Variants in COL6A6 observed in about 807,000 individuals in gnomAD.
COL6A6 encodes the protein collagen alpha-6(VI) chain.
Under a neutral mutation model 208.6 loss-of-function variants are expected in COL6A6, and 183 were observed. The ratio of observed to expected loss-of-function variants is 0.88; its 90% CI spans 0.78 to 0.99. The LOEUF is 0.99. Among genes scored for constraint, COL6A6 ranks in the 50% least tolerant of loss-of-function variants. COL6A6 has a pLI of 0.00. For missense variants in COL6A6, 2,816 were observed against 2,815.2 expected (o/e 1.00, Z -0.01); for synonymous variants, 973 against 1,011.8 (o/e 0.96, Z 0.73).
chr3:130,537,667 A>G (rs556115609), intron 1 of COL6A6, among the ~76,000 whole-genome samples: 1 of 152,374 alleles, frequency 6.6e-6, no homozygotes, highest in East Asian at 1.9e-4. Flanking sequence ...GGGATATTCA[A>G]GAGTACCAGT....
intron 33 of COL6A6, among the ~76,000 whole-genome samples, chr3:130,655,049 A>G (rs1576407418): frequency 6.6e-6 from 1 of 152,178 alleles, no homozygotes; most frequent in South Asian, 2.1e-4. Context: ...AGGGCCAATC[A>G]TAGGTTCTAC....
intron 18 of COL6A6, among the ~76,000 whole-genome samples, chr3:130,597,896 T>C (rs2063894899): frequency 6.6e-6 from 1 of 152,186 alleles, no homozygotes; most frequent in Non-Finnish European, 1.5e-5. Flanking sequence ...TGTCACTTAG[T>C]GTGCTTATTA....
chr3:130,656,780 GCT>G (rs1201431276), intron 33 of COL6A6, among the ~76,000 whole-genome samples: 4 of 152,210 alleles, frequency 2.6e-5, no homozygotes, highest in Non-Finnish European at 5.9e-5. Context: ...TCCCTCTCGT[GCT>G]TGTTAGCACC....
chr3:130,575,420 A>G (rs1177249405), intron 8 of COL6A6, among the ~76,000 whole-genome samples: 1 of 152,236 alleles, frequency 6.6e-6, no homozygotes, highest in Non-Finnish European at 1.5e-5. Context: ...GTGACCATTA[A>G]ATTTATGAAT....
intron 1 of COL6A6, among the ~76,000 whole-genome samples, chr3:130,524,297 G>A (rs938781088): frequency 3.3e-5 from 5 of 152,214 alleles, no homozygotes; most frequent in Non-Finnish European, 7.3e-5. Context: ...GGGCTTTTAG[G>A]TATTTAGTAA....
At chr3:130,538,110 A>G (rs921103482) in intron 1 of COL6A6, among the ~76,000 whole-genome samples, 5 of 152,374 alleles carry the variant, frequency 3.3e-5, no homozygotes, top group African/African-American at 1.2e-4. Flanking sequence ...AATATGATAT[A>G]GTGGAAAAAG....
rs114241218 is a variant in COL6A6 at position 130,576,037 on chromosome 3, A to T, written c.3547+1512A>T. ...CCTCCAGGGGCTTCTTAGATGGGAG[A>T]TCAGAGGAGCCCACAACAGCTTGCT... On this transcript the variant is annotated intron_variant, in intron 8 of 36. Transcript: ENST00000358511. Among the ~76,000 whole-genome samples, 858 of 152,018 alleles carry T rather than the reference A, an allele frequency of 5.6e-3. 14 individuals are homozygous for T. Among genetic ancestry groups the T allele is most frequent in the African/African-American group, 0.019 (807 of 41,482 alleles).
chr3:130,583,950 C>T (rs1007394300), intron 10 of COL6A6, among the ~76,000 whole-genome samples: 8 of 152,158 alleles, frequency 5.3e-5, no homozygotes, highest in Non-Finnish European at 1.2e-4. Flanking sequence ...ATGCAATCAT[C>T]ACTGAACAAG....
intron 15 of COL6A6, 38 bp from the exon 16 acceptor site, chr3:130,593,023 C>T (rs759227747): frequency 3.8e-6 from 6 of 1,577,828 alleles, no homozygotes; most frequent in African/African-American, 1.4e-5. Context: ...TACACATGCA[C>T]GTGATGTACT....
chr3:130,588,949 A>T, intron 11 of COL6A6, 141 bp from the exon 12 acceptor site: 1 of 424,824 alleles, frequency 2.4e-6, no homozygotes. Flanking sequence ...AGTTTCATGC[A>T]TTCTTTCTAA....
chr3:130,526,714 A>G (rs569742367), intron 1 of COL6A6, among the ~76,000 whole-genome samples: 1 of 149,554 alleles, frequency 6.7e-6, no homozygotes, highest in African/African-American at 2.5e-5. Context: ...TTTCAGAGAA[A>G]CCTCTTTTTT....
At position 130,662,260 on chromosome 3, in the gene COL6A6, C is replaced by T. The variant is rs201076895; in HGVS notation, c.6454C>T (p.His2152Tyr). The change falls in exon 35 of 37, where the codon CAC (histidine) becomes TAC (tyrosine). Residue 2152 changes from histidine to tyrosine, a missense_variant. His to Tyr is a moderately conservative substitution (Grantham distance 83). Transcript: ENST00000358511. ...GCTTGGCCGAATTCATAAACCTGAC[C>T]ACAGTTATGGTGTGAAGTTTGTGAA... Reference protein sequence around the residue: ...VQLGRIHKPDHSYGVKFVKSF... With the variant: ...VQLGRIHKPDYSYGVKFVKSF... The T allele has an allele frequency of 1.4e-4, 222 of 1,613,962 alleles. No homozygotes were observed. The highest frequency in any genetic ancestry group is 1.7e-4 in the Middle Eastern group (1 of 6,060).
chr3:130,551,190 A>T (rs1013121904), intron 1 of COL6A6, among the ~76,000 whole-genome samples: 5 of 151,872 alleles, frequency 3.3e-5, no homozygotes, highest in Admixed American at 2.6e-4. Context: ...TCACAGAATG[A>T]GTTAGGGAGG....
At chr3:130,552,221 T>C (rs2062659367) in intron 1 of COL6A6, among the ~76,000 whole-genome samples, 1 of 152,214 alleles carries the variant, frequency 6.6e-6, no homozygotes, top group African/African-American at 2.4e-5. Context: ...ATCTGTCTAA[T>C]ACTGGCAGTG....
intron 12 of COL6A6, chr3:130,589,997 T>C (rs2063635159): frequency 2.2e-6 from 1 of 449,798 alleles, no homozygotes; most frequent in Admixed American, 2.4e-5. Context: ...GAGTGGTAGA[T>C]TTTTTTAAAA....
intron 8 of COL6A6, among the ~76,000 whole-genome samples, chr3:130,579,343 AAC>A (rs1412622703): frequency 6.6e-6 from 1 of 152,186 alleles, no homozygotes; most frequent in Non-Finnish European, 1.5e-5. Context: ...GGAAATATAT[AAC>A]CCCCTTATTT....
At chr3:130,592,052 G>T (rs548772984) in intron 13 of COL6A6, among the ~76,000 whole-genome samples, 1 of 152,242 alleles carries the variant, frequency 6.6e-6, no homozygotes, top group South Asian at 2.1e-4. Context: ...CAGGTTATTG[G>T]GAGTCTTGAA....
At chr3:130,592,649 T>C in intron 14 of COL6A6, 37 bp downstream of exon 14, 1 of 1,612,374 alleles carries the variant, frequency 6.2e-7, no homozygotes, top group South Asian at 1.1e-5. Context: ...TTTCTCAATA[T>C]TAATTACATT....
intron 23 of COL6A6, among the ~76,000 whole-genome samples, chr3:130,615,391 C>T (rs958987685): frequency 3.9e-5 from 6 of 151,962 alleles, no homozygotes; most frequent in South Asian, 4.1e-4. Flanking sequence ...TGCCATGTGG[C>T]GATGAGAAGA....
Sources: allele counts gnomAD v4.1 joint callset (sites outside exome capture counted in the v4.1 genomes callset), GRCh38; gene constraint gnomAD v4.1.1; transcripts MANE v1.5; gene names NCBI Gene and HGNC (gene_info 2026-07-23, HGNC 2026-07-21).